Variants in MEIS2 observed in about 807,000 individuals in gnomAD.
MEIS2 encodes homeobox protein Meis2.
Under a neutral mutation model 58.6 loss-of-function variants are expected in MEIS2, and 9 were observed. The observed-to-expected ratio is 0.15, with a 90% CI of 0.09 to 0.27. MEIS2 has a LOEUF of 0.27. Among genes scored for constraint, MEIS2 ranks in the 10% least tolerant of loss-of-function variants. The probability of loss-of-function intolerance (pLI) is 1.00; values close to 1 mark genes in which losing one functional copy is unlikely to be tolerated. For synonymous variants in MEIS2, 221 were observed against 228.4 expected (o/e 0.97, Z 0.29); for missense variants, 427 against 635.0 (o/e 0.67, Z 3.52).
At chr15:37,090,018 T>C (rs1893329770) in intron 6 of MEIS2, among the ~76,000 whole-genome samples, 1 of 152,154 alleles carries the variant, frequency 6.6e-6, no homozygotes, top group African/African-American at 2.4e-5. Flanking sequence ...TTTTTAGACA[T>C]ATTTATTTTA....
intron 7 of MEIS2, among the ~76,000 whole-genome samples, chr15:37,082,387 C>A (rs1257647454): frequency 1.3e-5 from 2 of 151,854 alleles, no homozygotes; most frequent in Non-Finnish European, 2.9e-5. Context: ...TACATTTCAC[C>A]CTTTGTGTCG....
chr15:37,094,616 G>T (rs1893968604), intron 4 of MEIS2, 39 bp from the exon 5 acceptor site: 1 of 1,584,640 alleles, frequency 6.3e-7, no homozygotes, highest in South Asian at 1.1e-5. Flanking sequence ...AGAGCTCTGT[G>T]ACTCTGAGGT....
chr15:37,019,708 G>C (rs895692577), intron 8 of MEIS2, among the ~76,000 whole-genome samples: 2 of 152,116 alleles, frequency 1.3e-5, no homozygotes, highest in African/African-American at 4.8e-5. Context: ...ATGGTGAAAC[G>C]CAGGGCCCAA....
chr15:36,986,021 T>A (rs995466457), intron 8 of MEIS2, among the ~76,000 whole-genome samples: 3 of 152,238 alleles, frequency 2.0e-5, no homozygotes, highest in Non-Finnish European at 4.4e-5. Context: ...TGTAATTTTT[T>A]ATTATTTCTT....
At chr15:37,057,975 G>T (rs1042739400) in intron 7 of MEIS2, among the ~76,000 whole-genome samples, 3 of 152,136 alleles carry the variant, frequency 2.0e-5, no homozygotes, top group Admixed American at 6.6e-5. Context: ...CACCAACATG[G>T]TGCTTCTTTT....
intron 7 of MEIS2, among the ~76,000 whole-genome samples, chr15:37,045,722 G>T (rs1394520715): frequency 1.3e-5 from 2 of 152,110 alleles, no homozygotes; most frequent in African/African-American, 2.4e-5. Context: ...GTGCTTAACT[G>T]TCCGGACATG....
chr15:36,996,839 A>T (rs1394385950), intron 8 of MEIS2, among the ~76,000 whole-genome samples: 1 of 152,192 alleles, frequency 6.6e-6, no homozygotes, highest in Non-Finnish European at 1.5e-5. Flanking sequence ...TAAAAATAAG[A>T]ATCACCATTT....
intron 8 of MEIS2, among the ~76,000 whole-genome samples, chr15:36,974,518 G>A (rs16964438): frequency 0.08 from 12,167 of 152,174 alleles, 1,114 homozygotes; most frequent in African/African-American, 0.21. Flanking sequence ...ATGAAAAACA[G>A]AAGCAAAAAA....
intron 7 of MEIS2, among the ~76,000 whole-genome samples, chr15:37,041,223 AGTCTTAGCT>A (rs1216103521): frequency 6.6e-6 from 1 of 152,230 alleles, no homozygotes; most frequent in Non-Finnish European, 1.5e-5. Context: ...GCAAATTCTC[AGTCTTAGCT>A]GAGACCTACT....
intron 3 of MEIS2, 121 bp downstream of exon 3, chr15:37,096,168 G>T: frequency 8.9e-7 from 1 of 1,119,792 alleles, no homozygotes; most frequent in Non-Finnish European, 1.3e-6. Flanking sequence ...CGTAGAGAGC[G>T]GACTGGGCCA....
intron 9 of MEIS2, among the ~76,000 whole-genome samples, chr15:36,923,759 C>T (rs563189942): frequency 6.6e-6 from 1 of 152,328 alleles, no homozygotes; most frequent in African/African-American, 2.4e-5. Context: ...AATTCCCTCC[C>T]ATGCGTTCTA....
intron 8 of MEIS2, among the ~76,000 whole-genome samples, chr15:37,030,660 A>T (rs561368987): frequency 3.2e-4 from 48 of 150,530 alleles, no homozygotes; most frequent in African/African-American, 8.3e-4. Context: ...TATTATTATT[A>T]TTTTTTCTTT....
At chr15:36,979,485 A>AC (rs2059862778) in intron 8 of MEIS2, among the ~76,000 whole-genome samples, 1 of 151,972 alleles carries the variant, frequency 6.6e-6, no homozygotes, top group Non-Finnish European at 1.5e-5. Flanking sequence ...GGTGAAAATG[A>AC]CATCGTATTT....
At chr15:36,942,689 A>G (rs963951040) in intron 9 of MEIS2, among the ~76,000 whole-genome samples, 2 of 152,122 alleles carry the variant, frequency 1.3e-5, no homozygotes, top group Non-Finnish European at 2.9e-5. Flanking sequence ...TTCATAAAGC[A>G]CTTATTTCTC....
At chr15:37,036,781 A>G (rs780950578) in intron 8 of MEIS2, 33 bp downstream of exon 8, 1 of 1,600,662 alleles carries the variant, frequency 6.2e-7, no homozygotes, top group East Asian at 2.2e-5. Flanking sequence ...AACAACAAAA[A>G]CTATTTTTTT....
At chr15:36,905,873 A>G (rs2056708984) in intron 9 of MEIS2, among the ~76,000 whole-genome samples, 1 of 152,250 alleles carries the variant, frequency 6.6e-6, no homozygotes, top group African/African-American at 2.4e-5. Flanking sequence ...ACAGAAACAA[A>G]CTGAAAATCA....
chr15:37,067,260 T>C (rs1343316777), intron 7 of MEIS2, among the ~76,000 whole-genome samples: 1 of 152,056 alleles, frequency 6.6e-6, no homozygotes, highest in Non-Finnish European at 1.5e-5. Context: ...TGGCTAATTT[T>C]TGTATTTTTT....
chr15:36,938,598 C>T (rs1469530839), intron 9 of MEIS2, among the ~76,000 whole-genome samples: 1 of 152,194 alleles, frequency 6.6e-6, no homozygotes, highest in Non-Finnish European at 1.5e-5. Flanking sequence ...TGTAAGTCAC[C>T]TATCATCTAC....
At chr15:36,983,502 A>G (rs1401973187) in intron 8 of MEIS2, among the ~76,000 whole-genome samples, 1 of 151,944 alleles carries the variant, frequency 6.6e-6, no homozygotes, top group Non-Finnish European at 1.5e-5. Flanking sequence ...TCATTAGTCT[A>G]TATGTCTGTT....
Sources: gnomAD v4.1 joint callset for allele counts (sites outside exome capture counted in the v4.1 genomes callset) on GRCh38, gnomAD v4.1.1 for gene constraint, MANE v1.5 for transcripts, NCBI Gene and HGNC (gene_info 2026-07-23, HGNC 2026-07-21) for gene names.